Variants in TFDP2 observed in about 807,000 individuals in gnomAD.
TFDP2 encodes transcription factor Dp-2 (E2F dimerization partner 2).
Under a neutral mutation model 59.3 loss-of-function variants are expected in TFDP2, and 17 were observed. The observed-to-expected ratio is 0.29, with a 90% confidence interval of 0.20 to 0.43. The LOEUF is 0.43. TFDP2 is among the 20% of genes least tolerant of loss of function. The pLI is 1.00. For synonymous variants in TFDP2, 180 were observed against 194.7 expected (o/e 0.92, Z 0.63); for missense variants, 391 against 528.8 (o/e 0.74, Z 2.56).
chr3:142,069,946 C>T (rs1401043144), intron 3 of TFDP2, among the ~76,000 whole-genome samples: 1 of 151,388 alleles, frequency 6.6e-6, no homozygotes. Flanking sequence ...TGCTCTGTTG[C>T]CCAGGCTGCA....
At chr3:142,075,368 AAAC>A (rs1250331623) in intron 3 of TFDP2, among the ~76,000 whole-genome samples, 1 of 152,178 alleles carries the variant, frequency 6.6e-6, no homozygotes, top group Non-Finnish European at 1.5e-5. Context: ...CAAAAAAACA[AAAC>A]AACCTAATTT....
intron 1 of TFDP2, among the ~76,000 whole-genome samples, chr3:142,130,457 T>C (rs1469375751): frequency 6.6e-6 from 1 of 151,936 alleles, no homozygotes; most frequent in Non-Finnish European, 1.5e-5. Flanking sequence ...ATGGGAATTA[T>C]TGTTTGTTTG....
At chr3:141,975,241 T>TACTC (rs144844867) in intron 7 of TFDP2, among the ~76,000 whole-genome samples, 11,275 of 152,028 alleles carry the variant, frequency 0.074, 512 homozygotes, top group Non-Finnish European at 0.11. Flanking sequence ...TAGTAAGACT[T>TACTC]AATCAAGGAA....
At chr3:141,989,883 TAATA>T (rs1942557903) in intron 6 of TFDP2, among the ~76,000 whole-genome samples, 3 of 149,416 alleles carry the variant, frequency 2.0e-5, no homozygotes, top group Non-Finnish European at 4.5e-5. Flanking sequence ...ACTTTAATAA[TAATA>T]ATAATAATTA....
rs894973797 is a variant in TFDP2, at chr3:141,966,888, G to C, written c.733-2925C>G. Among the ~76,000 whole-genome samples the C allele has an allele frequency of 7.6e-5, 11 of 144,080 alleles. 1 individual carries two copies. The highest frequency in any genetic ancestry group is 6.4e-4 in the Admixed American group (9 of 14,090). 94.5% of individuals were successfully genotyped at this position (144,080 alleles called of 152,430 possible). A position where few individuals can be genotyped will look rare whatever the true frequency, so the allele number is the denominator to read the frequency against. Reference sequence around the variant, plus strand: ...GAGCTTATAAAAAAAAATCAAGTGAGCTTAGCCACAGCAAATGGATTACTT... The same window carrying C: ...GAGCTTATAAAAAAAAATCAAGTGACCTTAGCCACAGCAAATGGATTACTT... On this transcript the variant is annotated intron_variant, in intron 9 of 12. Transcript: ENST00000489671.
intron 1 of TFDP2, among the ~76,000 whole-genome samples, chr3:142,112,045 G>C (rs933628566): frequency 1.3e-5 from 2 of 151,436 alleles, no homozygotes; most frequent in African/African-American, 4.9e-5. Flanking sequence ...CAGCCTGGGC[G>C]ACAGAGCAAG....
chr3:142,096,751 T>C (rs1426776606), intron 2 of TFDP2, among the ~76,000 whole-genome samples: 1 of 152,196 alleles, frequency 6.6e-6, no homozygotes, highest in Non-Finnish European at 1.5e-5. Context: ...GACATAACAT[T>C]ACTGAAATGT....
At position 141,944,741 on chromosome 3, in the gene TFDP2, A is replaced by G. The variant is rs986128970; in HGVS notation, c.*7772T>C. 2 of 152,264 alleles carry G rather than the reference A, an allele frequency of 1.3e-5. No individual in the cohort carries two copies. The highest frequency in any genetic ancestry group is 3.8e-4 in the East Asian group (2 of 5,206). The allele number at this position is 152,264 out of a possible 1,614,324, so 9.4% of individuals were successfully genotyped here. ...AACCACCCTTAGTGGAACACTGCTT[A>G]GGACTTGTCTGTTATCTACCAGAAG... is the stretch of plus-strand genomic sequence containing the variant. On this transcript the variant is annotated 3_prime_UTR_variant, in exon 13 of 13. Coordinates refer to ENST00000489671, the MANE Select transcript of TFDP2 (RefSeq NM_001178139.2).
intron 9 of TFDP2, 107 bp downstream of exon 9, chr3:141,969,966 G>T (rs1939463454): frequency 2.7e-6 from 3 of 1,097,580 alleles, no homozygotes; most frequent in Non-Finnish European, 4.2e-6. Context: ...CCTGGCGTGG[G>T]CTCACCACAC....
At chr3:142,018,929 G>GGTT (rs533593983) in intron 3 of TFDP2, among the ~76,000 whole-genome samples, 3 of 125,202 alleles carry the variant, frequency 2.4e-5, no homozygotes, top group East Asian at 4.6e-4. Context: ...TTTTTGGTGA[G>GGTT]TTTTTTTTTT....
At chr3:142,081,341 AAG>A (rs2060633945) in intron 3 of TFDP2, among the ~76,000 whole-genome samples, 1 of 152,166 alleles carries the variant, frequency 6.6e-6, no homozygotes, top group African/African-American at 2.4e-5. Context: ...AAGAAGCACT[AAG>A]AGGGAAGTTG....
intron 3 of TFDP2, among the ~76,000 whole-genome samples, chr3:142,033,011 C>T (rs1329656733): frequency 6.6e-6 from 1 of 152,086 alleles, no homozygotes; most frequent in African/African-American, 2.4e-5. Context: ...GCCTGGCCAA[C>T]ATGGTGAAAC....
chr3:141,956,551 C>CA (rs200997444), intron 11 of TFDP2, among the ~76,000 whole-genome samples: 11,264 of 148,220 alleles, frequency 0.076, 516 homozygotes, highest in Non-Finnish European at 0.11. Context: ...GACTCCATCT[C>CA]AAAAAAAAAG....
At chr3:142,033,159 C>T (rs1193227552) in intron 3 of TFDP2, among the ~76,000 whole-genome samples, 1 of 152,206 alleles carries the variant, frequency 6.6e-6, no homozygotes, top group African/African-American at 2.4e-5. Flanking sequence ...TACACCACTG[C>T]ACTCCAGCCT....
intron 3 of TFDP2, among the ~76,000 whole-genome samples, chr3:142,011,644 A>C (rs1466716037): frequency 2.0e-5 from 3 of 147,390 alleles, no homozygotes; most frequent in East Asian, 2.0e-4. Flanking sequence ...AAAAAAAAAA[A>C]CAACAAACTT....
intron 3 of TFDP2, among the ~76,000 whole-genome samples, chr3:142,085,482 A>G (rs1439045845): frequency 1.3e-5 from 2 of 152,206 alleles, no homozygotes; most frequent in Non-Finnish European, 2.9e-5. Flanking sequence ...CTTATTTTTA[A>G]GCTGCACATA....
chr3:142,127,632 G>A (rs182341141), intron 1 of TFDP2, among the ~76,000 whole-genome samples: 119 of 152,024 alleles, frequency 7.8e-4, no homozygotes, highest in East Asian at 5.8e-3. Context: ...CACTGTACCC[G>A]GTCAGTATTC....
At chr3:142,021,618 A>T (rs1013994019) in intron 3 of TFDP2, among the ~76,000 whole-genome samples, 3 of 152,210 alleles carry the variant, frequency 2.0e-5, no homozygotes, top group Admixed American at 6.5e-5. Context: ...AAAAACGATT[A>T]GCTAGCTCCC....
intron 1 of TFDP2, among the ~76,000 whole-genome samples, chr3:142,134,208 G>C (rs1266703762): frequency 6.6e-6 from 1 of 151,684 alleles, no homozygotes; most frequent in Non-Finnish European, 1.5e-5. Flanking sequence ...AATTAGCTGG[G>C]CGTGGTGGCA....
Sources: gnomAD v4.1 joint callset for allele counts (sites outside exome capture counted in the v4.1 genomes callset) on GRCh38, gnomAD v4.1.1 for gene constraint, MANE v1.5 for transcripts, NCBI Gene and HGNC (gene_info 2026-07-23, HGNC 2026-07-21) for gene names.